AATK: variants seen among roughly 807,000 people sequenced by gnomAD.
AATK encodes the protein serine/threonine-protein kinase LMTK1.
A neutral mutation model predicts 114.3 loss-of-function variants in AATK; 91 were observed. The observed-to-expected ratio is 0.80, with a 90% CI of 0.67 to 0.95. AATK has a LOEUF of 0.95. Ranked by LOEUF, AATK falls within the 40% of genes least tolerant of loss-of-function variation. The pLI, the probability that AATK is intolerant of heterozygous loss-of-function variation, is 0.00. For missense variants in AATK, 2,176 were observed against 1,965.2 expected, an observed-to-expected ratio of 1.11 and a Z score of -2.03; for synonymous variants, 1,075 against 916.5, an observed-to-expected ratio of 1.17 and a Z score of -3.12.
chr17:81,120,078 G>A lies in AATK; in HGVS notation c.3741C>T (p.Ser1247=). ...AGGGCTCCCCGAGCTCCCGGGTGGG[G>A]CTTTCCTGGAGGAATCAGAGAGCAC... ...DVTVYLFDQE[S]PTRELGEPFP... The change falls in exon 12 of 14, where the codon AGC becomes AGT. Residue 1247 remains serine (S), a synonymous_variant. Coordinates refer to ENST00000326724, the MANE Select transcript of AATK (RefSeq NM_001080395.3). 12 of 1,461,232 alleles carry A rather than the reference G, an allele frequency of 8.2e-6. No individual in the cohort carries two copies. Among genetic ancestry groups the A allele is most frequent in the East Asian group, 5.4e-5 (2 of 37,344 alleles). 90.5% of individuals were successfully genotyped at this position (1,461,232 alleles called of 1,614,324 possible).
Position 81,122,676 on chromosome 17 carries a change from G to A in AATK, c.1260C>T (p.Gly420=), listed in dbSNP as rs1208460173. The change falls in exon 11 of 14, where the codon GGC becomes GGT. Residue 420 remains glycine, a synonymous_variant. Transcript: ENST00000326724. ...CGGGCCCGGGCCCCACGCCGCCCCC[G>A]CCGGGCCGCAGAGAGCGCCAGCGCC... is the stretch of plus-strand genomic sequence containing the variant. ...FERRWRSLRP[G]GGGVGPGPGA... 26 of 1,521,814 alleles carry A rather than the reference G, an allele frequency of 1.7e-5. No homozygotes were observed. Among genetic ancestry groups the A allele is most frequent in the Non-Finnish European group, 2.1e-5 (24 of 1,131,864 alleles). The allele number at this position is 1,521,814 out of a possible 1,614,324, so 94.3% of individuals were successfully genotyped here.
At chr17:81,125,851 C>T (rs747516797) in intron 7 of AATK, 5 of 463,510 alleles carry the variant, frequency 1.1e-5, no homozygotes, top group Admixed American at 4.7e-5. Context: ...AGCTGGGGCC[C>T]GGCAGGCAGG....
chr17:81,124,999 C>T lies in AATK; in HGVS notation c.771G>A (p.Arg257=), dbSNP rs1415508571. The T allele has an allele frequency of 6.4e-7, 1 of 1,568,944 alleles. No individual in the cohort carries two copies. Among genetic ancestry groups the T allele is most frequent in the Non-Finnish European group, 8.6e-7 (1 of 1,157,480 alleles). The change falls in exon 8 of 14, where the codon CGG becomes CGA. Residue 257 remains arginine, a synonymous_variant. Transcript: ENST00000326724. ...TCAGGTCAGCCGTGAGCAGGCAGTTCCGCAGGGCCAGGTCGCTGCAGGCAG... is the reference window on the plus strand; with the variant it reads ...TCAGGTCAGCCGTGAGCAGGCAGTTTCGCAGGGCCAGGTCGCTGCAGGCAG... ...NNFVHSDLAL[R]NCLLTADLTV... is the part of the protein sequence containing the mutation.
At chr17:81,125,661 G>A (rs184569253) in intron 7 of AATK, among the ~76,000 whole-genome samples, 7 of 152,278 alleles carry the variant, frequency 4.6e-5, no homozygotes, top group Non-Finnish European at 7.4e-5. Flanking sequence ...AGGGTACTGG[G>A]TAGATATTAC....
At position 81,117,368 on chromosome 17, in the gene AATK, AAAC is replaced by A. The variant is rs2060575940; in HGVS notation, c.*1031_*1033del. 6.6e-6 allele frequency: 1 copy of A among 152,320 alleles called. No individual in the cohort carries two copies. Among genetic ancestry groups the A allele is most frequent in the African/African-American group, 2.4e-5 (1 of 41,452 alleles). 9.4% of individuals were successfully genotyped at this position (152,320 alleles called of 1,614,324 possible). A position where few individuals can be genotyped will look rare whatever the true frequency, so the allele number is the denominator to read the frequency against. ...ACATTGCACCAGCGTTCTAAGCCTC[AAAC>A]AAAACACAAAACAAATCCCCCTGCG... On this transcript the variant is annotated 3_prime_UTR_variant, in exon 14 of 14. Coordinates refer to ENST00000326724, the MANE Select transcript of AATK (RefSeq NM_001080395.3).
intron 1 of AATK, among the ~76,000 whole-genome samples, chr17:81,159,954 C>A (rs904315859): frequency 5.3e-5 from 8 of 152,144 alleles, no homozygotes; most frequent in Non-Finnish European, 1.0e-4. Flanking sequence ...AGCAGGGACC[C>A]CACACCCTCC....
chr17:81,123,077 G>T, intron 10 of AATK, 117 bp downstream of exon 10: 1 of 1,205,850 alleles, frequency 8.3e-7, no homozygotes, highest in Non-Finnish European at 1.1e-6. Flanking sequence ...CTACCAGAGG[G>T]GAGGGGAGAC....
chr17:81,122,051 A>T lies in AATK; in HGVS notation c.1885T>A (p.Trp629Arg), dbSNP rs758940818. ...GCAGGACAGAAGGCGGCCACGCCCC[A>T]GTCTGCATCCTCCGCTCCTCCCTCC... ...LAEGGAEDADWGVAAFCPAFF... is the reference protein window; with the variant it reads ...LAEGGAEDADRGVAAFCPAFF... Residue 629 changes from tryptophan to arginine, a missense_variant, in exon 11 of 14, where the codon TGG (tryptophan) becomes AGG (arginine). Around this residue, in one of 4 missense-constraint regions of AATK, gnomAD observed 1,701 missense variants for 1,394.7 expected, o/e 1.22. Transcript: ENST00000326724. The T allele has an allele frequency of 4.4e-6, 7 of 1,596,496 alleles. No homozygotes were observed. The Admixed American group carries it at 6.7e-5, about 15-fold the overall frequency.
intron 1 of AATK, among the ~76,000 whole-genome samples, chr17:81,136,543 G>A (rs1035751021): frequency 7.9e-5 from 12 of 151,998 alleles, no homozygotes; most frequent in African/African-American, 1.9e-4. Flanking sequence ...CCAGCAGGAC[G>A]CCATCCCATG....
chr17:81,165,907 C>T (rs1238807647), intron 1 of AATK, 31 bp downstream of exon 1: 3 of 1,562,900 alleles, frequency 1.9e-6, no homozygotes, highest in East Asian at 2.4e-5. Context: ...AGGGAGGCAG[C>T]GGCGCGCAGG....
chr17:81,162,602 C>T (rs780233630), intron 1 of AATK, among the ~76,000 whole-genome samples: 5 of 152,146 alleles, frequency 3.3e-5, no homozygotes, highest in Non-Finnish European at 5.9e-5. Context: ...ATGCCTGGCC[C>T]GGGGCTCGCT....
At chr17:81,162,610 G>A (rs888740769) in intron 1 of AATK, among the ~76,000 whole-genome samples, 1 of 152,118 alleles carries the variant, frequency 6.6e-6, no homozygotes, top group Non-Finnish European at 1.5e-5. Context: ...CCCGGGGCTC[G>A]CTGCCTCCTC....
At chr17:81,156,559 G>A (rs749138152) in intron 1 of AATK, among the ~76,000 whole-genome samples, 10 of 151,980 alleles carry the variant, frequency 6.6e-5, no homozygotes, top group African/African-American at 1.7e-4. Flanking sequence ...CACCACACCC[G>A]CCTAATTTTT....
intron 1 of AATK, among the ~76,000 whole-genome samples, chr17:81,138,025 C>A (rs1044911567): frequency 6.6e-6 from 1 of 151,470 alleles, no homozygotes; most frequent in South Asian, 2.1e-4. Flanking sequence ...CCCACATGCA[C>A]GCAAACCCAC....
intron 10 of AATK, 84 bp from the exon 11 acceptor site, chr17:81,122,907 A>G: frequency 3.2e-6 from 4 of 1,238,124 alleles, no homozygotes; most frequent in Non-Finnish European, 4.3e-6. Context: ...GGTTCCCCTA[A>G]CTCCCAGTGT....
At chr17:81,144,593 G>A (rs930210655) in intron 1 of AATK, among the ~76,000 whole-genome samples, 4 of 152,252 alleles carry the variant, frequency 2.6e-5, no homozygotes, top group Non-Finnish European at 4.4e-5. Context: ...TCTCAGTGCC[G>A]CACCCCCGGC....
At chr17:81,141,123 A>G (rs528499136) in intron 1 of AATK, among the ~76,000 whole-genome samples, 1 of 152,140 alleles carries the variant, frequency 6.6e-6, no homozygotes, top group South Asian at 2.1e-4. Context: ...CTCTCCCCAG[A>G]GCCCAGCCTC....
At position 81,120,413 on chromosome 17, in the gene AATK, G is replaced by T; in HGVS notation, c.3523C>A (p.Leu1175Ile). ...SEDSDESDEE[L>I]RCYSVQEPSE... ...GGCTCCTGGACGCTGTAGCAGCGGA[G>T]CTCCTCGTCAGACTCGTCGCTGTCC... Residue 1175 changes from leucine (L) to isoleucine (I), a missense_variant, in exon 11 of 14, where the codon CTC (leucine) becomes ATC (isoleucine). Leu to Ile is a conservative substitution (Grantham distance 5, BLOSUM62 2). Coordinates refer to ENST00000326724, the MANE Select transcript of AATK (RefSeq NM_001080395.3). 6.3e-7 allele frequency: 1 copy of T among 1,591,542 alleles called. No homozygotes were observed. Among genetic ancestry groups the T allele is most frequent in the Non-Finnish European group, 8.6e-7 (1 of 1,166,634 alleles).
At chr17:81,131,888 C>T (rs2060938836) in intron 2 of AATK, 1 of 1,326,522 alleles carries the variant, frequency 7.5e-7, no homozygotes, top group Non-Finnish European at 1.0e-6. Context: ...CCACCTTTAC[C>T]CTGGGCAGCC....
Sources: gnomAD v4.1 joint callset for allele counts (sites outside exome capture counted in the v4.1 genomes callset) on GRCh38, gnomAD v4.1.1 for gene constraint, gnomAD v4.1.1 regional missense constraint, MANE v1.5 for transcripts, NCBI Gene and HGNC (gene_info 2026-07-23, HGNC 2026-07-21) for gene names.